The following XDH variants were observed in gnomAD, a reference collection of about 807,000 sequenced individuals.
XDH encodes the protein xanthine dehydrogenase, also known as xanthine dehydrogenase/oxidase.
In XDH, 138 loss-of-function variants were observed where a neutral mutation model predicts 156.1. The observed-to-expected ratio is 0.88, with a 90% CI of 0.77 to 1.02. XDH has a LOEUF of 1.02. XDH is among the 50% of genes least tolerant of loss of function. The pLI is 0.00. For missense variants in XDH, 1,849 were observed against 1,684.9 expected, an observed-to-expected ratio of 1.10 and a Z score of -1.71; for synonymous variants, 669 against 625.7, an observed-to-expected ratio of 1.07 and a Z score of -1.03.
At chr2:31,351,595 C>T (rs2148757773) in intron 24 of XDH, among the ~76,000 whole-genome samples, 1 of 152,340 alleles carries the variant, frequency 6.6e-6, no homozygotes, top group East Asian at 1.9e-4. Context: ...ATTGAATCCC[C>T]TGTTCCTAGA....
intron 25 of XDH, 98 bp downstream of exon 25, chr2:31,349,934 T>C (rs569294937): frequency 6.2e-7 from 1 of 1,611,308 alleles, no homozygotes; most frequent in Non-Finnish European, 8.5e-7. Flanking sequence ...AGCCCCTGCC[T>C]GTCATCTGCC....
At position 31,372,387 on chromosome 2, in the gene XDH, TTGGGCACCTCC is replaced by T. The variant is rs1461288676; in HGVS notation, c.1687-1_1696del. Reference sequence around the variant, plus strand: ...CACCATGTCCTCCTCAGACTGACCCTTGGGCACCTCCTGGAATGACAGGGTCATCAATCAGG... The same window carrying T: ...CACCATGTCCTCCTCAGACTGACCCTTGGAATGACAGGGTCATCAATCAGG... On this transcript the variant is annotated splice_acceptor_variant and coding_sequence_variant, in exon 17 of 36. Transcript: ENST00000379416. LOFTEE classifies it high-confidence loss of function. 6.2e-7 allele frequency: 1 copy of T among 1,613,942 alleles called. No homozygotes were observed. The highest frequency in any genetic ancestry group is 8.5e-7 in the Non-Finnish European group (1 of 1,180,050).
rs1366814 is a variant in XDH, at chr2:31,405,839, T to G, written c.100+68A>C. ...CACCCCACCAGTCACTAGGAAACAA[T>G]GTAAGGCCTACAGAATCAGTCACCA... On this transcript the variant is annotated intron_variant, in intron 2 of 35. Transcript: ENST00000379416. The G allele has an allele frequency of 0.12, 192,728 of 1,579,006 alleles. 12,748 individuals carry two copies. The highest frequency in any genetic ancestry group is 0.13 in the Non-Finnish European group (150,892 of 1,148,216).
rs531437090 is a variant in XDH, at chr2:31,339,473, G to A, written c.3774+16C>T. 2.5e-6 allele frequency: 4 copies of A among 1,613,640 alleles called. No homozygotes were observed. The highest frequency in any genetic ancestry group is 2.7e-5 in the African/African-American group (2 of 75,058). On this transcript the variant is annotated intron_variant, in intron 34 of 35. Transcript: ENST00000379416. Reference sequence around the variant, plus strand: ...GGCAGATCAGAAGAGACAGCACAGAGCCAGAGCAATGGTACCTTCGATGCA... The same window carrying A: ...GGCAGATCAGAAGAGACAGCACAGAACCAGAGCAATGGTACCTTCGATGCA...
In XDH at chr2:31,365,510, C is replaced by A; in HGVS notation, c.2491G>T (p.Asp831Tyr). The stretch of plus-strand genomic sequence containing the variant: ...CCACCAGTTATCAGCATGTCCTCAT[C>A]ACGGTCCAGCATGCATCGCACAGGG... ...GRPVRCMLDR[D>Y]EDMLITGGRH... The change falls in exon 23 of 36, where the codon GAT becomes TAT. Residue 831 changes from aspartate (D) to tyrosine (Y), a missense_variant. Asp to Tyr is a radical substitution (Grantham distance 160). Coordinates refer to ENST00000379416, the MANE Select transcript of XDH (RefSeq NM_000379.4). The A allele has an allele frequency of 2.5e-6, 4 of 1,614,178 alleles. No homozygotes were observed. The highest frequency in any genetic ancestry group is 3.4e-6 in the Non-Finnish European group (4 of 1,180,032).
chr2:31,343,090 A>G (rs1685167420), intron 31 of XDH, among the ~76,000 whole-genome samples: 1 of 151,928 alleles, frequency 6.6e-6, no homozygotes, highest in African/African-American at 2.4e-5. Flanking sequence ...GGGCTGAGGG[A>G]AAAGGCTTCT....
At chr2:31,381,068 T>A (rs1686425417) in intron 12 of XDH, among the ~76,000 whole-genome samples, 2 of 151,496 alleles carry the variant, frequency 1.3e-5, no homozygotes, top group African/African-American at 4.9e-5. Flanking sequence ...AGATCTCGGC[T>A]CACTGCAACC....
chr2:31,347,092 C>T (rs1037152803), intron 29 of XDH, among the ~76,000 whole-genome samples: 18 of 152,148 alleles, frequency 1.2e-4, no homozygotes, highest in African/African-American at 4.1e-4. Flanking sequence ...TGACAGAGGG[C>T]GAAATGTTTG....
At position 31,342,450 on chromosome 2, in the gene XDH, C is replaced by T. The variant is rs35235275; in HGVS notation, c.3405-153G>A. Among the ~76,000 whole-genome samples the T allele has an allele frequency of 0.23, 35,512 of 152,090 alleles. 4,743 individuals carry two copies. Among genetic ancestry groups the T allele is most frequent in the African/African-American group, 0.37 (15,291 of 41,452 alleles). On this transcript the variant is annotated intron_variant, in intron 31 of 35. Transcript: ENST00000379416. ...AAGTCCATGGTTTGAACAATTTGAA[C>T]CTGTTAACGAAACCCAGATATTCCA...
intron 15 of XDH, among the ~76,000 whole-genome samples, chr2:31,374,646 C>A (rs990643903): frequency 2.6e-5 from 4 of 152,134 alleles, no homozygotes; most frequent in Admixed American, 6.5e-5. Context: ...TTTTAAAGTT[C>A]TTTTCTTAAA....
At chr2:31,337,894 C>A in intron 34 of XDH, 77 bp from the exon 35 acceptor site, 1 of 1,528,722 alleles carries the variant, frequency 6.5e-7, no homozygotes, top group South Asian at 1.2e-5. Flanking sequence ...ACCTAGGAGG[C>A]CAGGCAGCAA....
chr2:31,351,252 T>G (rs907133642), intron 24 of XDH, among the ~76,000 whole-genome samples: 4 of 152,216 alleles, frequency 2.6e-5, no homozygotes, highest in Non-Finnish European at 1.5e-5. Flanking sequence ...TCTCTCTTGA[T>G]AATATTTTTT....
chr2:31,407,257 C>G (rs184315693), intron 1 of XDH, among the ~76,000 whole-genome samples: 1 of 151,976 alleles, frequency 6.6e-6, no homozygotes, highest in African/African-American at 2.4e-5. Flanking sequence ...AAATTAATAC[C>G]GACAATGACA....
chr2:31,345,303 T>C (rs1421254337), intron 30 of XDH, among the ~76,000 whole-genome samples: 1 of 152,232 alleles, frequency 6.6e-6, no homozygotes, highest in Non-Finnish European at 1.5e-5. Context: ...CTGGCCATTA[T>C]AAAAGCAACA....
intron 13 of XDH, among the ~76,000 whole-genome samples, chr2:31,378,201 A>G (rs2148777679): frequency 6.6e-6 from 1 of 151,986 alleles, no homozygotes; most frequent in East Asian, 1.9e-4. Flanking sequence ...CAAAGCAAGA[A>G]AGCAAGCAAG....
intron 6 of XDH, among the ~76,000 whole-genome samples, chr2:31,396,325 T>G (rs1686902703): frequency 6.6e-6 from 1 of 152,208 alleles, no homozygotes; most frequent in African/African-American, 2.4e-5. Flanking sequence ...GAGGACTGAT[T>G]ACATTATATC....
At chr2:31,341,724 A>C (rs1322684302) in intron 32 of XDH, among the ~76,000 whole-genome samples, 1 of 152,188 alleles carries the variant, frequency 6.6e-6, no homozygotes, top group South Asian at 2.1e-4. Context: ...TGGGTAGATC[A>C]TGTACAAAAG....
chr2:31,369,336 A>G (rs532847759), intron 18 of XDH, among the ~76,000 whole-genome samples: 1 of 152,318 alleles, frequency 6.6e-6, no homozygotes, highest in South Asian at 2.1e-4. Context: ...AAAAATTTAT[A>G]TGATAATGAT....
chr2:31,360,436 G>A (rs1392012999), intron 24 of XDH, among the ~76,000 whole-genome samples: 1 of 152,178 alleles, frequency 6.6e-6, no homozygotes, highest in Non-Finnish European at 1.5e-5. Context: ...AGGAGGCGGA[G>A]GTTGCAGTGA....
Sources: allele counts gnomAD v4.1 joint callset (sites outside exome capture counted in the v4.1 genomes callset), GRCh38; gene constraint gnomAD v4.1.1; transcripts MANE v1.5; gene names NCBI Gene and HGNC (gene_info 2026-07-23, HGNC 2026-07-21).